CNOT3: variants seen among roughly 807,000 people sequenced by gnomAD.
The protein encoded by CNOT3 is CCR4-NOT transcription complex subunit 3.
Under a neutral mutation model 89.4 loss-of-function variants are expected in CNOT3, and 2 were observed. The observed-to-expected ratio is 0.02, with a 90% CI of 0.01 to 0.07. The LOEUF is 0.07. CNOT3 is among the 10% of genes least tolerant of loss of function. CNOT3 has a pLI of 1.00. For missense variants in CNOT3, 664 were observed against 1,010.2 expected, an observed-to-expected ratio of 0.66 and a Z score of 4.65; for synonymous variants, 486 against 402.0, an observed-to-expected ratio of 1.21 and a Z score of -2.50.
chr19:54,153,528 C>A (rs1311029719), intron 16 of CNOT3, 187 bp from the exon 17 acceptor site: 2 of 778,872 alleles, frequency 2.6e-6, no homozygotes, highest in African/African-American at 3.4e-5. Flanking sequence ...CCTCCTGTCT[C>A]ATTTTCCTTC....
In CNOT3 at chr19:54,148,689, G is replaced by T; in HGVS notation, c.1352G>T (p.Ser451Ile). The change falls in exon 12 of 18, where the codon AGC (serine) becomes ATC (isoleucine). Residue 451 changes from serine (S) to isoleucine (I), a missense_variant. Physicochemically the swap from Ser to Ile is moderately radical, Grantham distance 142 (BLOSUM62 -2). Around this residue, in one of 8 missense-constraint regions of CNOT3, gnomAD observed 545 missense variants for 566.2 expected, o/e 0.96. Coordinates refer to ENST00000221232, the MANE Select transcript of CNOT3 (RefSeq NM_014516.4). This position sits in a 1 kb window ranked among gnomAD's most constrained non-coding sequence, Gnocchi z 6.3. ...AGCAGCAGTGGGGGCAACAATGCCAGCAGCCAGGCCTTGGGCCCCCCTTCC... is the reference window on the plus strand; with the variant it reads ...AGCAGCAGTGGGGGCAACAATGCCATCAGCCAGGCCTTGGGCCCCCCTTCC... ...ALSSSGGNNASSQALGPPSGP... is the reference protein window; with the variant it reads ...ALSSSGGNNAISQALGPPSGP... 1 of 1,611,772 alleles carries T rather than the reference G, an allele frequency of 6.2e-7. No homozygotes were observed. The highest frequency in any genetic ancestry group is 1.7e-4 in the Middle Eastern group (1 of 5,972).
At chr19:54,150,439 G>C (rs1227883330) in intron 13 of CNOT3, among the ~76,000 whole-genome samples, 1 of 152,252 alleles carries the variant, frequency 6.6e-6, no homozygotes, top group East Asian at 1.9e-4. Context: ...AGTGCCACCA[G>C]CTGCAGGGCT....
Position 54,155,596 on chromosome 19 carries a change from C to CCCT in CNOT3, c.*195_*197dup, listed in dbSNP as rs1163863140. ...TGGGGGCCCGGGGGCGAGGGCTGCCCCCTCCTCCCCTCCCCAGTGAGGGAC... is the reference window on the plus strand; with the variant it reads ...TGGGGGCCCGGGGGCGAGGGCTGCCCCCTCCTCCTCCCCTCCCCAGTGAGGGAC... On this transcript the variant is annotated 3_prime_UTR_variant, in exon 18 of 18. Coordinates refer to ENST00000221232, the MANE Select transcript of CNOT3 (RefSeq NM_014516.4). 2.7e-6 allele frequency: 3 copies of CCCT among 1,103,280 alleles called. No individual in the cohort carries two copies. The highest frequency in any genetic ancestry group is 2.6e-6 in the Non-Finnish European group (2 of 777,000). The allele number at this position is 1,103,280 out of a possible 1,614,324, so 68.3% of individuals were successfully genotyped here.
Position 54,145,887 on chromosome 19 carries a change from A to C in CNOT3, c.704-23A>C. On this transcript the variant is annotated intron_variant, in intron 8 of 17. Coordinates refer to ENST00000221232, the MANE Select transcript of CNOT3 (RefSeq NM_014516.4). This position sits in a 1 kb window ranked among gnomAD's most constrained non-coding sequence, Gnocchi z 5.9. Reference sequence around the variant, plus strand: ...AATGGGCTGTGTGAGCCAGCTAAGCATGCCCTTCTTCTGCCCCCACAGCAC... The same window carrying C: ...AATGGGCTGTGTGAGCCAGCTAAGCCTGCCCTTCTTCTGCCCCCACAGCAC... 6.2e-7 allele frequency: 1 copy of C among 1,612,796 alleles called. No individual in the cohort carries two copies. The highest frequency in any genetic ancestry group is 8.5e-7 in the Non-Finnish European group (1 of 1,179,468).
intron 1 of CNOT3, among the ~76,000 whole-genome samples, chr19:54,138,493 C>T (rs1335903315): frequency 6.6e-6 from 1 of 152,050 alleles, no homozygotes; most frequent in African/African-American, 2.4e-5. Flanking sequence ...GCTTCTCCCT[C>T]GACGGTGGCG....
intron 1 of CNOT3, chr19:54,141,347 T>C (rs1395342753): frequency 6.6e-6 from 1 of 152,184 alleles, no homozygotes; most frequent in Non-Finnish European, 1.5e-5. Flanking sequence ...AAGTGTAAGG[T>C]AGCACCCCTA....
At chr19:54,138,262 G>T (rs1488635245) in intron 1 of CNOT3, among the ~76,000 whole-genome samples, 5 of 151,826 alleles carry the variant, frequency 3.3e-5, no homozygotes, top group African/African-American at 1.2e-4. Context: ...GGCCCCGCCC[G>T]CCGCCGCCTC....
chr19:54,154,164 T>C lies in CNOT3; in HGVS notation c.2163+324T>C, dbSNP rs796632105. The C allele has an allele frequency of 1.2e-4, 65 of 537,648 alleles. 1 individual carries two copies. The highest frequency in any genetic ancestry group is 1.2e-3 in the African/African-American group (62 of 53,600). The allele number at this position is 537,648 out of a possible 1,614,324, so 33.3% of individuals were successfully genotyped here. On this transcript the variant is annotated intron_variant, in intron 17 of 17. Transcript: ENST00000221232. ...CCTGGGGTGTGGGATTTTCCCAGTA[T>C]GTGTCCCTGCACCAGGCTGTGGGCT...
intron 1 of CNOT3, among the ~76,000 whole-genome samples, chr19:54,140,830 T>C (rs1477549460): frequency 6.6e-6 from 1 of 152,188 alleles, no homozygotes; most frequent in African/African-American, 2.4e-5. Context: ...CAGTGTGGTC[T>C]CCTGTCTGTG....
At chr19:54,153,998 C>A (rs759168384) in intron 17 of CNOT3, 158 bp downstream of exon 17, 1 of 904,548 alleles carries the variant, frequency 1.1e-6, no homozygotes, top group Non-Finnish European at 1.8e-6. Flanking sequence ...GTCTGCTCAG[C>A]CTGGAACACC....
In CNOT3 at chr19:54,149,679, C is replaced by T. The variant is rs760484096; in HGVS notation, c.1526C>T (p.Thr509Met). Residue 509 changes from threonine (T) to methionine (M), a missense_variant, in exon 13 of 18, where the codon ACG (threonine) becomes ATG (methionine). Thr to Met is a moderately conservative substitution (Grantham distance 81). This residue lies in a region of CNOT3 where 545 missense variants were observed against 566.2 expected (regional missense o/e 0.96). Coordinates refer to ENST00000221232, the MANE Select transcript of CNOT3 (RefSeq NM_014516.4). Reference protein sequence around the residue: ...PLPVNPPSSPTPSFSDAKAAG... With the variant: ...PLPVNPPSSPMPSFSDAKAAG... ...CCTGTGAATCCTCCCAGCTCCCCAA[C>T]GCCCAGCTTCAGTGATGCCAAGGCA... 21 of 1,614,002 alleles carry T rather than the reference C, an allele frequency of 1.3e-5. No homozygotes were observed. Among genetic ancestry groups the T allele is most frequent in the East Asian group, 6.7e-5 (3 of 44,892 alleles).
intron 16 of CNOT3, chr19:54,153,346 GCCTCC>G: frequency 1.3e-6 from 1 of 761,972 alleles, no homozygotes; most frequent in Non-Finnish European, 2.4e-6. Context: ...ACATTCTCAG[GCCTCC>G]CTGGAGACCA....
At chr19:54,140,506 C>A (rs1256042621) in intron 1 of CNOT3, among the ~76,000 whole-genome samples, 33 of 152,152 alleles carry the variant, frequency 2.2e-4, no homozygotes, top group Non-Finnish European at 4.6e-4. Flanking sequence ...GAGACTCAGG[C>A]TCCAGCTTCC....
intron 13 of CNOT3, among the ~76,000 whole-genome samples, chr19:54,150,812 A>G: frequency 6.6e-6 from 1 of 150,412 alleles, no homozygotes; most frequent in Non-Finnish European, 1.5e-5. Context: ...CTTTTTTGAG[A>G]CAGAGTCTTG....
chr19:54,146,052 CCACGGGA>C lies in CNOT3; in HGVS notation c.837+13_837+19del, dbSNP rs778519081. On this transcript the variant is annotated intron_variant, in intron 9 of 17. Transcript: ENST00000221232. ...CAGCCAACTGTACCACGGTGAGGCCCCACGGGACACTAGTACCTTGTGTTTCCAGCAG... is the reference window on the plus strand; with the variant it reads ...CAGCCAACTGTACCACGGTGAGGCCCCACTAGTACCTTGTGTTTCCAGCAG... 35 of 1,612,366 alleles carry C rather than the reference CCACGGGA, an allele frequency of 2.2e-5. No individual in the cohort carries two copies. In the African/African-American group the frequency reaches 4.7e-4, roughly 22 times the overall value.
chr19:54,142,433 T>TACACACACAGACACACAC (rs2074487531), intron 1 of CNOT3: 1 of 126,482 alleles, frequency 7.9e-6, no homozygotes, highest in African/African-American at 3.2e-5. Context: ...ACCTACAGCT[T>TACACACACAGACACACAC]ACACACACAC....
Position 54,144,310 on chromosome 19 carries a change from G to A in CNOT3, c.461G>A (p.Arg154His). The A allele has an allele frequency of 6.2e-7, 1 of 1,613,846 alleles. No homozygotes were observed. The highest frequency in any genetic ancestry group is 8.5e-7 in the Non-Finnish European group (1 of 1,179,774). ...SEVESLSVQT[R>H]KKKGDKDKQD... ...GTGGAGTCACTGTCAGTGCAGACAC[G>A]CAAGAAGAAGGGCGACAAGGATGTG... The change falls in exon 7 of 18, where the codon CGC (arginine) becomes CAC (histidine). Residue 154 changes from arginine (R) to histidine (H), a missense_variant. Coordinates refer to ENST00000221232, the MANE Select transcript of CNOT3 (RefSeq NM_014516.4). The surrounding 1 kb of genome is among the most constrained non-coding windows in gnomAD (Gnocchi z 4.8).
rs1353606121 is a variant in CNOT3 at position 54,148,176 on chromosome 19, T to A, written c.923T>A (p.Val308Asp). 6.4e-7 allele frequency: 1 copy of A among 1,558,338 alleles called. No homozygotes were observed. The highest frequency in any genetic ancestry group is 2.3e-5 in the East Asian group (1 of 43,076). The change falls in exon 11 of 18, where the codon GTC becomes GAC. Residue 308 changes from valine (V) to aspartate (D), a missense_variant. By Grantham distance (152) the Val-to-Asp change is radical. Coordinates refer to ENST00000221232, the MANE Select transcript of CNOT3 (RefSeq NM_014516.4). This position sits in a 1 kb window ranked among gnomAD's most constrained non-coding sequence, Gnocchi z 6.3. ...CCAGCCAAAAACGGCTCCAAGCCTG[T>A]CCACAGCAACCAGCACCCTCAGTCC... Reference protein sequence around the residue: ...QSPAKNGSKPVHSNQHPQSPA... With the variant: ...QSPAKNGSKPDHSNQHPQSPA...
At chr19:54,151,312 A>T (rs1160022034) in intron 13 of CNOT3, among the ~76,000 whole-genome samples, 3 of 152,122 alleles carry the variant, frequency 2.0e-5, no homozygotes, top group African/African-American at 7.2e-5. Context: ...TGGTGAGGAC[A>T]GGATAGAGGG....
Sources: gnomAD v4.1 joint callset for allele counts (sites outside exome capture counted in the v4.1 genomes callset) on GRCh38, gnomAD v4.1.1 for gene constraint, gnomAD v4.1.1 regional missense constraint, Gnocchi (gnomAD v3.1) non-coding constraint, MANE v1.5 for transcripts, NCBI Gene and HGNC (gene_info 2026-07-23, HGNC 2026-07-21) for gene names.